The following DCLK2 variants were observed in gnomAD, a reference collection of about 807,000 sequenced individuals.
DCLK2 encodes the protein serine/threonine-protein kinase DCLK2.
DCLK2 carries 31 observed loss-of-function variants against 78.4 expected under a neutral mutation model. That is an observed-to-expected ratio of 0.40 (90% CI 0.30 to 0.53). The LOEUF (loss-of-function observed/expected upper bound fraction) is 0.53, where lower values mean the gene tolerates loss of function less well. Among genes scored for constraint, DCLK2 ranks in the 20% least tolerant of loss-of-function variants. DCLK2 has a pLI of 0.61. For missense variants in DCLK2, 872 were observed against 973.7 expected, an observed-to-expected ratio of 0.90 and a Z score of 1.39; for synonymous variants, 407 against 374.9, an observed-to-expected ratio of 1.09 and a Z score of -0.99.
At chr4:150,119,347 G>A (rs1409479151) in intron 2 of DCLK2, among the ~76,000 whole-genome samples, 1 of 152,096 alleles carries the variant, frequency 6.6e-6, no homozygotes, top group African/African-American at 2.4e-5. Flanking sequence ...TTAGATCATT[G>A]TCTTTCCTTA....
At chr4:150,163,383 G>C (rs1735843627) in intron 2 of DCLK2, among the ~76,000 whole-genome samples, 1 of 151,436 alleles carries the variant, frequency 6.6e-6, no homozygotes, top group Non-Finnish European at 1.5e-5. Flanking sequence ...GGGTGACAGA[G>C]TGAGACTCCG....
intron 2 of DCLK2, among the ~76,000 whole-genome samples, chr4:150,121,217 A>T (rs1732516281): frequency 1.4e-5 from 1 of 72,450 alleles, no homozygotes; most frequent in East Asian, 2.7e-4. Context: ...TTAAAATAAC[A>T]CAAGAATGTG....
intron 1 of DCLK2, among the ~76,000 whole-genome samples, chr4:150,091,126 T>C (rs1560763288): frequency 6.6e-6 from 1 of 152,214 alleles, no homozygotes; most frequent in Admixed American, 6.5e-5. Context: ...TTACTCTGTA[T>C]TTTTTCTTAG....
intron 2 of DCLK2, among the ~76,000 whole-genome samples, chr4:150,185,191 A>G (rs139974972): frequency 2.0e-5 from 3 of 152,238 alleles, no homozygotes; most frequent in African/African-American, 4.8e-5. Flanking sequence ...TGTCCTTCAT[A>G]TGGTCCAGGA....
At chr4:150,141,279 G>GT (rs1489395124) in intron 2 of DCLK2, among the ~76,000 whole-genome samples, 2 of 152,232 alleles carry the variant, frequency 1.3e-5, no homozygotes, top group East Asian at 3.9e-4. Context: ...GAAAAGCTTT[G>GT]TAAGTTAGGG....
intron 10 of DCLK2, 37 bp downstream of exon 10, chr4:150,232,865 C>T (rs764097405): frequency 6.3e-7 from 1 of 1,595,504 alleles, no homozygotes; most frequent in Non-Finnish European, 8.6e-7. Flanking sequence ...CAATGAATGC[C>T]TCTCTTCCTT....
At position 150,079,457 on chromosome 4, in the gene DCLK2, G is replaced by A. The variant is rs1183727859; in HGVS notation, c.421+9G>A. 1 of 1,480,488 alleles carries A rather than the reference G, an allele frequency of 6.8e-7. No individual in the cohort carries two copies. The highest frequency in any genetic ancestry group is 9.0e-7 in the Non-Finnish European group (1 of 1,113,522). 91.7% of individuals were successfully genotyped at this position (1,480,488 alleles called of 1,614,324 possible). The stretch of plus-strand genomic sequence containing the variant: ...GGACGAGCTGCTGGAAGGTAGGAGG[G>A]GAGGGCGCCGCACGGCAGGTGCGGC... On this transcript the variant is annotated intron_variant, in intron 1 of 15. Transcript: ENST00000296550.
chr4:150,107,617 C>T (rs1349931257), intron 2 of DCLK2, among the ~76,000 whole-genome samples: 1 of 151,956 alleles, frequency 6.6e-6, no homozygotes, highest in East Asian at 1.9e-4. Flanking sequence ...CTCAAGCGAT[C>T]CACTTACCTT....
intron 10 of DCLK2, among the ~76,000 whole-genome samples, chr4:150,239,057 T>C (rs1209878976): frequency 2.6e-5 from 4 of 152,100 alleles, no homozygotes; most frequent in African/African-American, 7.2e-5. Flanking sequence ...ACATCACACA[T>C]AGTAAATGCT....
At chr4:150,181,524 C>G (rs983366194) in intron 2 of DCLK2, among the ~76,000 whole-genome samples, 1 of 152,088 alleles carries the variant, frequency 6.6e-6, no homozygotes, top group African/African-American at 2.4e-5. Context: ...CTTCCTAAAG[C>G]CAAATCTTTG....
At chr4:150,207,018 T>G (rs973592177) in intron 5 of DCLK2, among the ~76,000 whole-genome samples, 1 of 152,204 alleles carries the variant, frequency 6.6e-6, no homozygotes, top group African/African-American at 2.4e-5. Context: ...GTGTTAGTAC[T>G]GTGCGTTTCC....
chr4:150,239,503 G>A (rs993369517), intron 10 of DCLK2, among the ~76,000 whole-genome samples: 7 of 152,138 alleles, frequency 4.6e-5, no homozygotes, highest in Non-Finnish European at 7.4e-5. Flanking sequence ...TGGGGGTTCC[G>A]TGGGGGAAGG....
chr4:150,159,818 G>A (rs987355650), intron 2 of DCLK2, among the ~76,000 whole-genome samples: 2 of 152,110 alleles, frequency 1.3e-5, no homozygotes, highest in African/African-American at 2.4e-5. Context: ...GGAGGTGGTC[G>A]AGAGAACACG....
intron 2 of DCLK2, among the ~76,000 whole-genome samples, chr4:150,162,979 G>A (rs1340330228): frequency 6.6e-6 from 1 of 152,154 alleles, no homozygotes; most frequent in Admixed American, 6.5e-5. Context: ...CTAACGAATT[G>A]TTGGTACTGA....
intron 2 of DCLK2, among the ~76,000 whole-genome samples, chr4:150,105,191 A>T (rs1046037691): frequency 2.6e-5 from 4 of 152,138 alleles, no homozygotes; most frequent in Non-Finnish European, 5.9e-5. Context: ...ATGGGAACAG[A>T]TTTTCTAAGC....
chr4:150,088,736 A>G (rs1235878484), intron 1 of DCLK2, among the ~76,000 whole-genome samples: 1 of 152,092 alleles, frequency 6.6e-6, no homozygotes, highest in African/African-American at 2.4e-5. Context: ...TCCATACTTA[A>G]CCTCATGTGA....
At chr4:150,151,341 C>T (rs1284861177) in intron 2 of DCLK2, among the ~76,000 whole-genome samples, 1 of 152,128 alleles carries the variant, frequency 6.6e-6, no homozygotes, top group African/African-American at 2.4e-5. Flanking sequence ...TATCTAAGCC[C>T]ATGGAAGAGT....
At chr4:150,228,116 C>T (rs1279325723) in intron 8 of DCLK2, among the ~76,000 whole-genome samples, 2 of 152,284 alleles carry the variant, frequency 1.3e-5, no homozygotes, top group Admixed American at 1.3e-4. Context: ...TGAAACTTCC[C>T]TGTGCTTCTC....
chr4:150,247,477 T>G, intron 12 of DCLK2, 126 bp from the exon 13 acceptor site: 2 of 660,022 alleles, frequency 3.0e-6, no homozygotes, highest in Non-Finnish European at 2.7e-6. Flanking sequence ...GATACATAAT[T>G]GAGATACGGA....
Sources: allele counts gnomAD v4.1 joint callset (sites outside exome capture counted in the v4.1 genomes callset), GRCh38; gene constraint gnomAD v4.1.1; transcripts MANE v1.5; gene names NCBI Gene and HGNC (gene_info 2026-07-23, HGNC 2026-07-21).